SATB2: variants seen among roughly 807,000 people sequenced by gnomAD.
SATB2 encodes the protein SATB homeobox 2.
Under a neutral mutation model 73.4 loss-of-function variants are expected in SATB2, and 1 was observed. The observed-to-expected ratio is 0.01, with a 90% CI of 0.00 to 0.06. SATB2 has a LOEUF of 0.06. Ranked by LOEUF, SATB2 falls within the 10% of genes least tolerant of loss-of-function variation. SATB2 has a pLI of 1.00. For synonymous variants in SATB2, 397 were observed against 367.0 expected (o/e 1.08, Z -0.93); for missense variants, 459 against 945.8 (o/e 0.49, Z 6.75).
chr2:199,441,269 T>C (rs1228517041), intron 2 of SATB2, among the ~76,000 whole-genome samples: 1 of 152,080 alleles, frequency 6.6e-6, no homozygotes, highest in Non-Finnish European at 1.5e-5. Context: ...TATTCAATAA[T>C]ATTGAATAAG....
chr2:199,443,912 G>C (rs1691892543), intron 2 of SATB2, among the ~76,000 whole-genome samples: 1 of 152,134 alleles, frequency 6.6e-6, no homozygotes, highest in Non-Finnish European at 1.5e-5. Flanking sequence ...TGAGATCTCT[G>C]GTTTGCAATA....
At chr2:199,391,528 T>C (rs917723644) in intron 3 of SATB2, among the ~76,000 whole-genome samples, 4 of 152,104 alleles carry the variant, frequency 2.6e-5, no homozygotes, top group African/African-American at 9.7e-5. Context: ...TTTTCATATA[T>C]ATGTTATTAA....
chr2:199,462,083 C>T (rs1692488406), upstream of SATB2, among the ~76,000 whole-genome samples: 1 of 152,186 alleles, frequency 6.6e-6, no homozygotes, highest in Non-Finnish European at 1.5e-5. The surrounding 1 kb of genome is among the most constrained non-coding windows in gnomAD (Gnocchi z 5.9). Flanking sequence ...CTTTCAAGTT[C>T]GGTCACCCAG....
intron 9 of SATB2, among the ~76,000 whole-genome samples, chr2:199,315,172 C>CTG (rs979064739): frequency 2.0e-5 from 3 of 151,974 alleles, no homozygotes; most frequent in African/African-American, 7.3e-5. Context: ...TTTTCTCTCT[C>CTG]TGTGTGTATA....
intron 6 of SATB2, among the ~76,000 whole-genome samples, chr2:199,354,485 G>C (rs1045059583): frequency 1.3e-5 from 2 of 152,160 alleles, no homozygotes; most frequent in Non-Finnish European, 2.9e-5. Flanking sequence ...AGAGGGAATT[G>C]CCTGGAAAGG....
chr2:199,377,106 G>A (rs1689627506), intron 5 of SATB2, among the ~76,000 whole-genome samples: 1 of 152,222 alleles, frequency 6.6e-6, no homozygotes, highest in African/African-American at 2.4e-5. Context: ...GCCAGGAGCA[G>A]TGGCTCACGC....
At chr2:199,414,346 G>GCTCT (rs1254540573) in intron 3 of SATB2, among the ~76,000 whole-genome samples, 2 of 152,134 alleles carry the variant, frequency 1.3e-5, no homozygotes, top group African/African-American at 4.8e-5. Flanking sequence ...GTACTTGTGT[G>GCTCT]CTCTCGTAGG....
chr2:199,368,293 C>T (rs185830075), intron 6 of SATB2, among the ~76,000 whole-genome samples: 109 of 152,230 alleles, frequency 7.2e-4, no homozygotes, highest in African/African-American at 2.5e-3. Flanking sequence ...AATCAGTACC[C>T]AAACTATAAG....
chr2:199,407,541 T>C lies in SATB2; in HGVS notation c.347-25721A>G, dbSNP rs62178608. 8.4e-3 allele frequency among the ~76,000 whole-genome samples: 1,273 copies of C among 152,238 alleles called. 11 individuals carry two copies. The highest frequency in any genetic ancestry group is 0.013 in the Non-Finnish European group (906 of 68,004). ...GAAACCTCTAACTTTGACAAAGTTA[T>C]TAAGTGAAGTCAGGAACTCAATGAT... On this transcript the variant is annotated intron_variant, in intron 3 of 10. Coordinates refer to ENST00000417098, the MANE Select transcript of SATB2 (RefSeq NM_001172509.2).
At chr2:199,403,531 C>T (rs970694661) in intron 3 of SATB2, among the ~76,000 whole-genome samples, 11 of 152,150 alleles carry the variant, frequency 7.2e-5, no homozygotes, top group African/African-American at 2.4e-4. Context: ...TTTTATCCTT[C>T]ACATCATTTT....
chr2:199,386,612 T>C (rs963103289), intron 3 of SATB2, among the ~76,000 whole-genome samples: 1 of 152,110 alleles, frequency 6.6e-6, no homozygotes, highest in Non-Finnish European at 1.5e-5. Flanking sequence ...AACATTCACA[T>C]TCTATAAGTT....
At chr2:199,394,623 T>C (rs1205951123) in intron 3 of SATB2, among the ~76,000 whole-genome samples, 2 of 152,024 alleles carry the variant, frequency 1.3e-5, no homozygotes, top group Non-Finnish European at 2.9e-5. Context: ...AGAGAAGCCC[T>C]GTCTCTGCAA....
chr2:199,436,975 G>C (rs980775325), intron 2 of SATB2, among the ~76,000 whole-genome samples: 1 of 150,896 alleles, frequency 6.6e-6, no homozygotes, highest in African/African-American at 2.4e-5. Context: ...TGCTTGAAAA[G>C]CACTTCACAG....
In SATB2 at chr2:199,455,059, C is replaced by A. The variant is rs1265772110; in HGVS notation, c.169+810G>T. The stretch of plus-strand genomic sequence containing the variant: ...AAAAGACAACTAAGCAAATGGCATA[C>A]AAACTCCAAAATATTTCAATGTTTA... On this transcript the variant is annotated intron_variant, in intron 2 of 10. Coordinates refer to ENST00000417098, the MANE Select transcript of SATB2 (RefSeq NM_001172509.2). The surrounding 1 kb of genome is among the most constrained non-coding windows in gnomAD (Gnocchi z 4.1). Among the ~76,000 whole-genome samples, 1 of 152,160 alleles carries A rather than the reference C, an allele frequency of 6.6e-6. No individual in the cohort carries two copies. Among genetic ancestry groups the A allele is most frequent in the African/African-American group, 2.4e-5 (1 of 41,440 alleles).
chr2:199,377,764 G>A (rs912439238), intron 5 of SATB2, among the ~76,000 whole-genome samples: 1 of 152,082 alleles, frequency 6.6e-6, no homozygotes, highest in Non-Finnish European at 1.5e-5. Context: ...CATGAGGCAA[G>A]AAGACCTGAA....
chr2:199,275,383 T>C (rs533040424), intron 10 of SATB2, among the ~76,000 whole-genome samples: 4 of 152,288 alleles, frequency 2.6e-5, no homozygotes, highest in African/African-American at 2.4e-5. Flanking sequence ...ACAGTAAGAA[T>C]AGCTACCCCT....
intron 3 of SATB2, among the ~76,000 whole-genome samples, chr2:199,399,679 C>T (rs1690412609): frequency 6.6e-6 from 1 of 152,086 alleles, no homozygotes; most frequent in African/African-American, 2.4e-5. Context: ...ATGGGGACGG[C>T]AAAGGAGGAG....
upstream of SATB2, among the ~76,000 whole-genome samples, chr2:199,459,339 C>T (rs935365109): frequency 6.6e-6 from 1 of 152,092 alleles, no homozygotes; most frequent in African/African-American, 2.4e-5. This position sits in a 1 kb window ranked among gnomAD's most constrained non-coding sequence, Gnocchi z 4.2. Flanking sequence ...CGGCCGCCGG[C>T]AGCCCGACTC....
chr2:199,272,787 T>C lies in SATB2; in HGVS notation c.1741-115A>G, dbSNP rs1692200934. 3 of 981,958 alleles carry C rather than the reference T, an allele frequency of 3.1e-6. No homozygotes were observed. The South Asian group carries it at 4.1e-5, about 13-fold the overall frequency. 60.8% of individuals were successfully genotyped at this position (981,958 alleles called of 1,614,324 possible). On this transcript the variant is annotated intron_variant, in intron 10 of 10. Transcript: ENST00000417098. The surrounding 1 kb of genome is among the most constrained non-coding windows in gnomAD (Gnocchi z 6.7). The stretch of plus-strand genomic sequence containing the variant: ...TAGCACTGGAGGTAAGCTATAGTCA[T>C]TTGTAAAGTCAGGTCTTTGGAAAGC...
Sources: allele counts gnomAD v4.1 joint callset (sites outside exome capture counted in the v4.1 genomes callset), GRCh38; gene constraint gnomAD v4.1.1; non-coding constraint Gnocchi (gnomAD v3.1); transcripts MANE v1.5; gene names NCBI Gene and HGNC (gene_info 2026-07-23, HGNC 2026-07-21).